Variants in MUC5B observed in about 807,000 individuals in gnomAD.
The protein encoded by MUC5B is mucin 5B, oligomeric mucus/gel-forming.
A neutral mutation model predicts 376.9 loss-of-function variants in MUC5B; 116 were observed. The observed-to-expected ratio is 0.31, with a 90% CI of 0.26 to 0.36. The LOEUF (loss-of-function observed/expected upper bound fraction) is 0.36. Ranked by LOEUF, MUC5B falls within the 10% of genes least tolerant of loss-of-function variation. MUC5B has a pLI of 1.00. For missense variants in MUC5B, 7,165 were observed against 7,769.9 expected (o/e 0.92, Z 2.93); for synonymous variants, 3,517 against 3,390.9 (o/e 1.04, Z -1.29).
intron 3 of MUC5B, 63 bp from the exon 4 acceptor site, chr11:1,226,552 C>T: frequency 1.3e-6 from 2 of 1,548,180 alleles, no homozygotes; most frequent in South Asian, 1.2e-5. Context: ...GTGCCTCGGC[C>T]CAGGGGAGGC....
Position 1,234,231 on chromosome 11 carries a change from G to T in MUC5B, c.2404G>T (p.Asp802Tyr), listed in dbSNP as rs554418515. 1.5e-4 allele frequency: 237 copies of T among 1,606,582 alleles called. 1 individual carries two copies. The South Asian group carries it at 2.5e-3, about 17-fold the overall frequency. ...TGCAAPMVYL[D>Y]CSNSSAGTPG... The stretch of plus-strand genomic sequence containing the variant: ...GTGTGCAGCCCCCATGGTGTACCTG[G>T]ACTGCAGCAACAGCTCGGCGGGCAC... The change falls in exon 20 of 49, where the codon GAC becomes TAC. Residue 802 changes from aspartate (D) to tyrosine (Y), a missense_variant. Around this residue, in one of 31 missense-constraint regions of MUC5B, gnomAD observed 530 missense variants for 604.0 expected, o/e 0.88. Transcript: ENST00000529681. The surrounding 1 kb of genome is among the most constrained non-coding windows in gnomAD (Gnocchi z 6.3).
At chr11:1,260,277 C>T (rs570943796) in intron 46 of MUC5B, 74 bp from the exon 47 acceptor site, 2 of 1,499,542 alleles carry the variant, frequency 1.3e-6, no homozygotes, top group East Asian at 2.3e-5. Flanking sequence ...CCCGGGTGGG[C>T]CCCTCCCCAG....
At position 1,251,409 on chromosome 11, in the gene MUC5B, G is replaced by T. The variant is rs766429801; in HGVS notation, c.14529G>T (p.Gly4843=). 1 of 1,612,562 alleles carries T rather than the reference G, an allele frequency of 6.2e-7. No homozygotes were observed. Among genetic ancestry groups the T allele is most frequent in the Non-Finnish European group, 8.5e-7 (1 of 1,179,220 alleles). The change falls in exon 31 of 49, where the codon GGG becomes GGT. Residue 4843 remains glycine (G), a synonymous_variant. Transcript: ENST00000529681. ...GSTATLSSTP[G]TTWILTEPST... is the part of the protein sequence containing the mutation. ...CGGCCACCCTGTCCTCCACCCCAGG[G>T]ACCACCTGGATCCTCACAGAGCCGA...
rs372318133 is a variant in MUC5B at position 1,241,439 on chromosome 11, C to T, written c.4559C>T (p.Ser1520Phe). 191 of 1,613,318 alleles carry T rather than the reference C, an allele frequency of 1.2e-4. No individual in the cohort carries two copies. The highest frequency in any genetic ancestry group is 1.6e-4 in the Non-Finnish European group (189 of 1,179,506). ...TEWFDEDYPK[S>F]EQLGGDVESY... ...TGGTTTGATGAGGACTACCCCAAGT[C>T]TGAACAACTTGGAGGGGACGTTGAG... is the stretch of plus-strand genomic sequence containing the variant. The change falls in exon 31 of 49, where the codon TCT (serine) becomes TTT (phenylalanine). Residue 1520 changes from serine to phenylalanine, a missense_variant. Physicochemically the swap from Ser to Phe is radical, Grantham distance 155. Around this residue, in one of 31 missense-constraint regions of MUC5B, gnomAD observed 517 missense variants for 545.3 expected, o/e 0.95. Coordinates refer to ENST00000529681, the MANE Select transcript of MUC5B (RefSeq NM_002458.3).
In MUC5B at chr11:1,241,351, G is replaced by A. The variant is rs368849325; in HGVS notation, c.4471G>A (p.Val1491Met). The change falls in exon 31 of 49, where the codon GTG becomes ATG. Residue 1491 changes from valine to methionine, a missense_variant. By Grantham distance (21) the Val-to-Met change is conservative. Coordinates refer to ENST00000529681, the MANE Select transcript of MUC5B (RefSeq NM_002458.3). ...TSQTGSSSGP[V>M]TVTPSAPGTT... ...GCAGACTGGGTCCAGCTCAGGCCCC[G>A]TGACGGTCACCCCCTCGGCCCCAGG... The A allele has an allele frequency of 2.7e-5, 43 of 1,611,998 alleles. No individual in the cohort carries two copies. The highest frequency in any genetic ancestry group is 1.9e-4 in the African/African-American group (14 of 74,894).
chr11:1,239,724 C>A, intron 27 of MUC5B, 75 bp from the exon 28 acceptor site: 1 of 1,519,928 alleles, frequency 6.6e-7, no homozygotes, highest in Non-Finnish European at 8.8e-7. Flanking sequence ...GGCGGCTACT[C>A]CCTGCAGCAT....
chr11:1,242,406 G>C lies in MUC5B; in HGVS notation c.5526G>C (p.Gln1842His), dbSNP rs370697621. ...ACTACCCCGAGGTAAGCATCGACCA[G>C]GTCGGGCAGGTGCTGACCTGCAGCC... ...AENYPEVSID[Q>H]VGQVLTCSLE... Residue 1842 changes from glutamine (Q) to histidine (H), a missense_variant, in exon 31 of 49, where the codon CAG becomes CAC. Gln to His is a conservative substitution (Grantham distance 24). This residue lies in a region of MUC5B where 897 missense variants were observed against 779.6 expected (regional missense o/e 1.15). Transcript: ENST00000529681. The C allele has an allele frequency of 5.6e-6, 9 of 1,613,766 alleles. No individual in the cohort carries two copies. The highest frequency in any genetic ancestry group is 6.8e-6 in the Non-Finnish European group (8 of 1,179,848).
At chr11:1,240,807 C>A in intron 30 of MUC5B, 44 bp from the exon 31 acceptor site, 1 of 1,537,814 alleles carries the variant, frequency 6.5e-7, no homozygotes, top group Non-Finnish European at 8.8e-7. Flanking sequence ...GAGGCCAGGA[C>A]TGGAGGATGC....
Position 1,248,399 on chromosome 11 carries a change from C to G in MUC5B, c.11519C>G (p.Thr3840Arg), listed in dbSNP as rs368224670. 1.9e-6 allele frequency: 3 copies of G among 1,612,690 alleles called. No individual in the cohort carries two copies. In the African/African-American group the frequency reaches 4.0e-5, roughly 22 times the overall value. The change falls in exon 31 of 49, where the codon ACG (threonine) becomes AGG (arginine). Residue 3840 changes from threonine to arginine, a missense_variant. Transcript: ENST00000529681. ...TAHTSTVLTTTATTTRATGSV... is the reference protein window; with the variant it reads ...TAHTSTVLTTRATTTRATGSV... ...CACACCTCCACAGTGCTTACCACCA[C>G]GGCCACCACAACCAGGGCCACCGGC...
chr11:1,238,693 G>A (rs796704840), intron 25 of MUC5B, among the ~76,000 whole-genome samples, 178 bp from the exon 26 acceptor site: 13 of 152,302 alleles, frequency 8.5e-5, no homozygotes, highest in African/African-American at 2.9e-4. Context: ...GGCTGGAGAA[G>A]TGCTGGGGCA....
Position 1,251,223 on chromosome 11 carries a change from C to G in MUC5B, c.14343C>G (p.Ser4781=), listed in dbSNP as rs746939695. The G allele has an allele frequency of 6.2e-7, 1 of 1,611,414 alleles. No homozygotes were observed. Among genetic ancestry groups the G allele is most frequent in the Non-Finnish European group, 8.5e-7 (1 of 1,178,254 alleles). ...PMSTMSTIHT[S]STPETTHTST... The stretch of plus-strand genomic sequence containing the variant: ...CCACCATGTCCACAATCCACACCTC[C>G]TCTACTCCAGAGACCACCCACACCT... Residue 4781 remains serine (S), a synonymous_variant, in exon 31 of 49, where the codon TCC becomes TCG. Transcript: ENST00000529681.
At chr11:1,223,747 C>G (rs1011070521) in intron 1 of MUC5B, among the ~76,000 whole-genome samples, 1 of 152,260 alleles carries the variant, frequency 6.6e-6, no homozygotes, top group South Asian at 2.1e-4. Flanking sequence ...CATCTCATGC[C>G]GCACGGGCTG....
Position 1,245,348 on chromosome 11 carries a change from C to A in MUC5B, c.8468C>A (p.Pro2823His). 6.3e-7 allele frequency: 1 copy of A among 1,595,386 alleles called. No individual in the cohort carries two copies. The highest frequency in any genetic ancestry group is 8.5e-7 in the Non-Finnish European group (1 of 1,171,094). Residue 2823 changes from proline to histidine, a missense_variant, in exon 31 of 49, where the codon CCT becomes CAT. Coordinates refer to ENST00000529681, the MANE Select transcript of MUC5B (RefSeq NM_002458.3). ...HPSSRTTESP[P>H]SPGTTTPGHT... ...AGCAGCAGGACCACCGAGTCACCCC[C>A]TTCTCCAGGGACGACCACCCCGGGC...
intron 26 of MUC5B, 138 bp from the exon 27 acceptor site, chr11:1,239,300 C>T: frequency 8.4e-7 from 1 of 1,186,822 alleles, no homozygotes; most frequent in African/African-American, 1.5e-5. Flanking sequence ...CACCACCCGG[C>T]CGAGGCCCTG....
In MUC5B at chr11:1,256,663, T is replaced by A. The variant is rs2133851866; in HGVS notation, c.16137-8T>A. On this transcript the variant is annotated splice_polypyrimidine_tract_variant and splice_region_variant and intron_variant, in intron 38 of 48. Transcript: ENST00000529681. ...CTAGGTCTCAGGGCCTCTCTTGTCATCCTGCAGGAACCAGAGCCCACAGCT... is the reference window on the plus strand; with the variant it reads ...CTAGGTCTCAGGGCCTCTCTTGTCAACCTGCAGGAACCAGAGCCCACAGCT... 6.4e-7 allele frequency: 1 copy of A among 1,555,498 alleles called. No individual in the cohort carries two copies. The highest frequency in any genetic ancestry group is 2.4e-5 in the East Asian group (1 of 41,382).
intron 38 of MUC5B, among the ~76,000 whole-genome samples, chr11:1,256,434 C>T (rs1045622133): frequency 2.4e-4 from 36 of 151,656 alleles, no homozygotes; most frequent in African/African-American, 8.7e-4. Flanking sequence ...CACGCCTGGC[C>T]CCGCATCCCC....
In MUC5B at chr11:1,246,711, C is replaced by T. The variant is rs1353002719; in HGVS notation, c.9831C>T (p.Ser3277=). Reference sequence around the variant, plus strand: ...CTACTCCAGAGACTGTCCACACCTCCACAGTGCTTACCACCACGACCACCA... The same window carrying T: ...CTACTCCAGAGACTGTCCACACCTCTACAGTGCTTACCACCACGACCACCA... ...PSSTPETVHT[S]TVLTTTTTTT... is the part of the protein sequence containing the mutation. Residue 3277 remains serine, a synonymous_variant, in exon 31 of 49, where the codon TCC becomes TCT. Transcript: ENST00000529681. The T allele has an allele frequency of 1.2e-5, 20 of 1,610,206 alleles. No homozygotes were observed. In the Admixed American group the frequency reaches 3.2e-4, roughly 26 times the overall value.
Position 1,249,886 on chromosome 11 carries a change from A to T in MUC5B, c.13006A>T (p.Thr4336Ser). Residue 4336 changes from threonine (T) to serine (S), a missense_variant, in exon 31 of 49, where the codon ACC becomes TCC. By Grantham distance (58) the Thr-to-Ser change is moderately conservative. Coordinates refer to ENST00000529681, the MANE Select transcript of MUC5B (RefSeq NM_002458.3). ...CTCCTCCACCCTTGGGACCACCGGG[A>T]CCCTCCCAGAACAGACCACCACACC... The part of the protein sequence containing the change: ...IPSSTLGTTG[T>S]LPEQTTTPVA... The T allele has an allele frequency of 6.2e-7, 1 of 1,612,390 alleles. No individual in the cohort carries two copies. Among genetic ancestry groups the T allele is most frequent in the Non-Finnish European group, 8.5e-7 (1 of 1,179,588 alleles).
Position 1,241,694 on chromosome 11 carries a change from G to A in MUC5B, c.4814G>A (p.Gly1605Glu), listed in dbSNP as rs770385625. Residue 1605 changes from glycine to glutamate, a missense_variant, in exon 31 of 49, where the codon GGA becomes GAA. Gly to Glu is a moderately conservative substitution (Grantham distance 98). Transcript: ENST00000529681. ...VLCCSDDHCR[G>E]RATTPPPTTE... Reference sequence around the variant, plus strand: ...TGCTGCAGTGACGACCACTGCAGGGGACGTGCCACAACCCCGCCACCGACC... The same window carrying A: ...TGCTGCAGTGACGACCACTGCAGGGAACGTGCCACAACCCCGCCACCGACC... 13 of 1,612,278 alleles carry A rather than the reference G, an allele frequency of 8.1e-6. No individual in the cohort carries two copies. The highest frequency in any genetic ancestry group is 3.4e-6 in the Non-Finnish European group (4 of 1,179,680).
Sources: gnomAD v4.1 joint callset for allele counts (sites outside exome capture counted in the v4.1 genomes callset) on GRCh38, gnomAD v4.1.1 for gene constraint, gnomAD v4.1.1 regional missense constraint, Gnocchi (gnomAD v3.1) non-coding constraint, MANE v1.5 for transcripts, NCBI Gene and HGNC (gene_info 2026-07-23, HGNC 2026-07-21) for gene names.